Variants in KIF18A observed in about 807,000 individuals in gnomAD.
KIF18A encodes kinesin family member 18A.
KIF18A carries 67 observed loss-of-function variants against 103.3 expected under a neutral mutation model. That is an observed-to-expected ratio of 0.65 (90% CI 0.53 to 0.79). The LOEUF is 0.79. Ranked by LOEUF, KIF18A falls within the 30% of genes least tolerant of loss-of-function variation. The pLI is 0.00. For synonymous variants in KIF18A, 367 were observed against 355.5 expected, an observed-to-expected ratio of 1.03 and a Z score of -0.36; for missense variants, 1,032 against 1,062.5, an observed-to-expected ratio of 0.97 and a Z score of 0.40.
rs138327178 is a variant in KIF18A at position 28,058,940 on chromosome 11, T to C, written c.1934A>G (p.Gln645Arg). 140 of 1,613,674 alleles carry C rather than the reference T, an allele frequency of 8.7e-5. No individual in the cohort carries two copies. Among genetic ancestry groups the C allele is most frequent in the Non-Finnish European group, 1.1e-4 (135 of 1,179,720 alleles). Residue 645 changes from glutamine to arginine, a missense_variant, in exon 13 of 17, where the codon CAG (glutamine) becomes CGG (arginine). Coordinates refer to ENST00000263181, the MANE Select transcript of KIF18A (RefSeq NM_031217.4). ...LMTFPQLGPVQPIPCCSSSGG... is the reference protein window; with the variant it reads ...LMTFPQLGPVRPIPCCSSSGG... ...GTTATACTTACAACAAGGAATAGGCTGAACTGGTCCAAGTTGTGGAAAGGT... is the reference window on the plus strand; with the variant it reads ...GTTATACTTACAACAAGGAATAGGCCGAACTGGTCCAAGTTGTGGAAAGGT...
chr11:28,084,671 A>G lies in KIF18A; in HGVS notation c.1035T>C (p.Thr345=). 3.1e-6 allele frequency: 5 copies of G among 1,612,668 alleles called. No individual in the cohort carries two copies. Among genetic ancestry groups the G allele is most frequent in the Non-Finnish European group, 4.2e-6 (5 of 1,178,920 alleles). Residue 345 remains threonine (T), a synonymous_variant, in exon 7 of 17, where the codon ACT becomes ACC. Coordinates refer to ENST00000263181, the MANE Select transcript of KIF18A (RefSeq NM_031217.4). ...CCTTTGCCCGGTTAGCATACTTAAGAGTGTTATATGTGTCATCGTAGAATA... is the reference window on the plus strand; with the variant it reads ...CCTTTGCCCGGTTAGCATACTTAAGGGTGTTATATGTGTCATCGTAGAATA... The part of the protein sequence containing the change: ...SSVFYDDTYN[T]LKYANRAKDI...
At chr11:28,044,896 A>C (rs934611202) in intron 13 of KIF18A, among the ~76,000 whole-genome samples, 1 of 152,092 alleles carries the variant, frequency 6.6e-6, no homozygotes, top group Non-Finnish European at 1.5e-5. Context: ...CACAGCTAAA[A>C]ATAAAAACAA....
chr11:28,021,484 C>T (rs1034809910), intron 16 of KIF18A, among the ~76,000 whole-genome samples: 2 of 152,152 alleles, frequency 1.3e-5, no homozygotes, highest in African/African-American at 2.4e-5. Context: ...ATTCATATTG[C>T]AAACTAAAGT....
chr11:28,104,705 G>A (rs1851484733), intron 1 of KIF18A, among the ~76,000 whole-genome samples: 1 of 152,170 alleles, frequency 6.6e-6, no homozygotes, highest in East Asian at 1.9e-4. Flanking sequence ...CACTGTGAGA[G>A]CACGGAGTTC....
intron 13 of KIF18A, among the ~76,000 whole-genome samples, chr11:28,043,758 T>C (rs1282730113): frequency 6.6e-6 from 1 of 151,624 alleles, no homozygotes; most frequent in Non-Finnish European, 1.5e-5. Context: ...GGAAAAGTAA[T>C]AGAAAACAGA....
intron 9 of KIF18A, among the ~76,000 whole-genome samples, chr11:28,080,627 C>T (rs1304351176): frequency 2.6e-5 from 4 of 152,084 alleles, no homozygotes; most frequent in Non-Finnish European, 5.9e-5. Flanking sequence ...GCTCCACTGA[C>T]TGGCTGTTTC....
Position 28,107,536 on chromosome 11 carries a change from T to C in KIF18A, c.-47+528A>G, listed in dbSNP as rs190301099. ...CGTTAGGCAGTCAGAGCGGCTTTTA[T>C]CTCGATGCTACCTACAACTGGGGCT... On this transcript the variant is annotated intron_variant, in intron 1 of 16. Coordinates refer to ENST00000263181, the MANE Select transcript of KIF18A (RefSeq NM_031217.4). Among the ~76,000 whole-genome samples, 673 of 152,312 alleles carry C rather than the reference T, an allele frequency of 4.4e-3. 6 individuals are homozygous for C. The highest frequency in any genetic ancestry group is 0.014 in the African/African-American group (582 of 41,564).
intron 1 of KIF18A, among the ~76,000 whole-genome samples, chr11:28,099,113 G>A (rs899547364): frequency 6.6e-6 from 1 of 151,996 alleles, no homozygotes; most frequent in African/African-American, 2.4e-5. Flanking sequence ...TAAATAGATC[G>A]AAAAAATGTG....
chr11:28,064,769 C>T (rs769837035), intron 11 of KIF18A, among the ~76,000 whole-genome samples: 7 of 151,998 alleles, frequency 4.6e-5, no homozygotes, highest in Non-Finnish European at 8.8e-5. Context: ...TTAAGTCTTT[C>T]TTGACATACT....
intron 13 of KIF18A, among the ~76,000 whole-genome samples, chr11:28,041,755 G>T (rs1304967757): frequency 4.6e-5 from 7 of 151,768 alleles, no homozygotes; most frequent in African/African-American, 1.5e-4. Flanking sequence ...AGAGTGGTAG[G>T]AGCAGTGATG....
chr11:28,081,857 T>G (rs1315272647), intron 9 of KIF18A, among the ~76,000 whole-genome samples: 1 of 152,132 alleles, frequency 6.6e-6, no homozygotes, highest in Non-Finnish European at 1.5e-5. Context: ...GTAGATGCCA[T>G]TAAGAACATT....
At chr11:28,046,020 C>T (rs1216959775) in intron 13 of KIF18A, among the ~76,000 whole-genome samples, 1 of 151,198 alleles carries the variant, frequency 6.6e-6, no homozygotes, top group Non-Finnish European at 1.5e-5. Flanking sequence ...GTTAGAATGG[C>T]AATCATTAAA....
At chr11:28,104,653 C>A (rs1210154653) in intron 1 of KIF18A, among the ~76,000 whole-genome samples, 2 of 152,096 alleles carry the variant, frequency 1.3e-5, no homozygotes, top group Non-Finnish European at 2.9e-5. Context: ...TATATGTTAT[C>A]TGGTTACATA....
intron 11 of KIF18A, among the ~76,000 whole-genome samples, chr11:28,068,288 G>A (rs34357760): frequency 0.11 from 16,992 of 151,944 alleles, 1,313 homozygotes; most frequent in Non-Finnish European, 0.17. Flanking sequence ...GGGGCAAGGG[G>A]AGGGAGAGCA....
chr11:28,096,720 C>A (rs895097706), intron 2 of KIF18A, among the ~76,000 whole-genome samples: 1 of 152,080 alleles, frequency 6.6e-6, no homozygotes, highest in Non-Finnish European at 1.5e-5. Context: ...TGAAATGAAT[C>A]AGGAAAAGAC....
chr11:28,091,749 C>T (rs1027561450), intron 3 of KIF18A, among the ~76,000 whole-genome samples: 10 of 152,216 alleles, frequency 6.6e-5, no homozygotes, highest in Non-Finnish European at 2.9e-5. Context: ...GAGTCATCCC[C>T]TCACTCATAA....
At chr11:28,035,556 G>C in intron 14 of KIF18A, 62 bp from the exon 15 acceptor site, 1 of 927,714 alleles carries the variant, frequency 1.1e-6, no homozygotes, top group Non-Finnish European at 1.5e-6. Context: ...AAGAGAAAAG[G>C]AAGCAAATGT....
chr11:28,087,066 T>A (rs1389475568), intron 6 of KIF18A, among the ~76,000 whole-genome samples: 4 of 152,294 alleles, frequency 2.6e-5, no homozygotes, highest in Middle Eastern at 3.4e-3. Context: ...AAAGCTTTTT[T>A]AAAAAAATTA....
chr11:28,091,570 A>G (rs886947259), intron 3 of KIF18A, 57 bp from the exon 4 acceptor site: 2 of 868,908 alleles, frequency 2.3e-6, no homozygotes, highest in African/African-American at 3.4e-5. Flanking sequence ...TGGTGATTAC[A>G]TCACACATAC....
Sources: gnomAD v4.1 joint callset for allele counts (sites outside exome capture counted in the v4.1 genomes callset) on GRCh38, gnomAD v4.1.1 for gene constraint, MANE v1.5 for transcripts, NCBI Gene and HGNC (gene_info 2026-07-23, HGNC 2026-07-21) for gene names.